CBFA2T3: variants seen among roughly 807,000 people sequenced by gnomAD.
CBFA2T3 encodes transcriptional corepressor CBFA2T3.
In CBFA2T3, 31 loss-of-function variants were observed where a neutral mutation model predicts 58.6. The observed-to-expected ratio is 0.53, with a 90% CI of 0.40 to 0.71. CBFA2T3 has a LOEUF of 0.71. Ranked by LOEUF, CBFA2T3 falls within the 30% of genes least tolerant of loss-of-function variation. The pLI, the probability that CBFA2T3 is intolerant of heterozygous loss-of-function variation, is 0.00. For synonymous variants in CBFA2T3, 531 were observed against 421.9 expected (o/e 1.26, Z -3.17); for missense variants, 1,076 against 963.1 (o/e 1.12, Z -1.55).
At chr16:88,878,641 C>A (rs1255545864) in intron 11 of CBFA2T3, among the ~76,000 whole-genome samples, 1 of 152,226 alleles carries the variant, frequency 6.6e-6, no homozygotes, top group Admixed American at 6.5e-5. Flanking sequence ...CCTGTTCTCA[C>A]AGGCTAGAGA....
At chr16:88,883,605 T>C (rs980830516) in intron 7 of CBFA2T3, 1 of 152,010 alleles carries the variant, frequency 6.6e-6, no homozygotes, top group Non-Finnish European at 1.5e-5. Context: ...TCTTCCGCCG[T>C]GGCTGTGCCC....
At chr16:88,900,646 C>A (rs896949133) in intron 2 of CBFA2T3, among the ~76,000 whole-genome samples, 6 of 152,170 alleles carry the variant, frequency 3.9e-5, no homozygotes, top group African/African-American at 1.4e-4. Flanking sequence ...CTGGCCGCTG[C>A]ATGTGGAGGT....
Position 88,881,284 on chromosome 16 carries a change from C to G in CBFA2T3, c.1402+7G>C. On this transcript the variant is annotated splice_region_variant and intron_variant, in intron 9 of 11. Transcript: ENST00000268679. The stretch of plus-strand genomic sequence containing the variant: ...GTCTGCTCCCTCCCCCCACACCCCA[C>G]ACGCACCTAGCTGAGGCCCTTCGGG... 6.3e-7 allele frequency: 1 copy of G among 1,594,742 alleles called. No homozygotes were observed. The highest frequency in any genetic ancestry group is 8.5e-7 in the Non-Finnish European group (1 of 1,172,226).
At chr16:88,964,400 C>G (rs1972444491) in intron 1 of CBFA2T3, among the ~76,000 whole-genome samples, 1 of 152,246 alleles carries the variant, frequency 6.6e-6, no homozygotes, top group African/African-American at 2.4e-5. Flanking sequence ...CCTCTTTTGA[C>G]TTTTAATTTA....
intron 1 of CBFA2T3, chr16:88,950,420 C>T (rs1451697322): frequency 1.6e-5 from 7 of 431,052 alleles, no homozygotes; most frequent in African/African-American, 2.4e-5. Context: ...GGACCGGCAC[C>T]GGCACAGAGG....
chr16:88,973,174 G>T (rs1225935414), intron 1 of CBFA2T3, among the ~76,000 whole-genome samples: 1 of 152,250 alleles, frequency 6.6e-6, no homozygotes, highest in Non-Finnish European at 1.5e-5. Context: ...GGGGCTGCCT[G>T]CAGCCTCTCC....
At chr16:88,965,652 G>T (rs548893651) in intron 1 of CBFA2T3, among the ~76,000 whole-genome samples, 1 of 152,318 alleles carries the variant, frequency 6.6e-6, no homozygotes, top group East Asian at 1.9e-4. Context: ...GGGTGCAGCT[G>T]TCACCTTATT....
intron 1 of CBFA2T3, among the ~76,000 whole-genome samples, chr16:88,976,329 C>T (rs1171892091): frequency 1.3e-5 from 2 of 152,144 alleles, no homozygotes; most frequent in Non-Finnish European, 2.9e-5. Context: ...CCCCCCATCA[C>T]TTCCCGGCTG....
At chr16:88,952,871 A>C (rs4782497) in intron 1 of CBFA2T3, among the ~76,000 whole-genome samples, 593 of 129,856 alleles carry the variant, frequency 4.6e-3, no homozygotes, top group Non-Finnish European at 5.3e-3. Flanking sequence ...CCCCACCCCC[A>C]CACCCTGGGG....
chr16:88,892,449 T>C lies in CBFA2T3; in HGVS notation c.416A>G (p.Asn139Ser), dbSNP rs753789675. Reference sequence around the variant, plus strand: ...GCCGTTGGGTGTGCACGGTGCACCATTGATGGCTGTTGGTGAGTGGCTGCT... The same window carrying C: ...GCCGTTGGGTGTGCACGGTGCACCACTGATGGCTGTTGGTGAGTGGCTGCT... ...NGSSHSPTAI[N>S]GAPCTPNGFS... is the part of the protein sequence containing the mutation. The change falls in exon 4 of 12, where the codon AAT becomes AGT. Residue 139 changes from asparagine (N) to serine (S), a missense_variant. By Grantham distance (46) the Asn-to-Ser change is conservative (BLOSUM62 1). Coordinates refer to ENST00000268679, the MANE Select transcript of CBFA2T3 (RefSeq NM_005187.6). 2.6e-5 allele frequency: 42 copies of C among 1,613,164 alleles called. No homozygotes were observed. Among genetic ancestry groups the C allele is most frequent in the Middle Eastern group, 3.3e-4 (2 of 6,082 alleles).
intron 1 of CBFA2T3, among the ~76,000 whole-genome samples, chr16:88,912,146 C>T (rs1049456333): frequency 5.2e-5 from 8 of 152,386 alleles, no homozygotes; most frequent in East Asian, 1.9e-4. Flanking sequence ...TGGGCCCACC[C>T]GCGCCTCCCC....
chr16:88,947,477 C>G (rs1971932829), intron 1 of CBFA2T3, among the ~76,000 whole-genome samples: 1 of 152,156 alleles, frequency 6.6e-6, no homozygotes, highest in South Asian at 2.1e-4. Flanking sequence ...TCGTACAAAA[C>G]TAGGTACATA....
At chr16:88,944,557 C>T (rs1348368687) in intron 1 of CBFA2T3, among the ~76,000 whole-genome samples, 1 of 152,140 alleles carries the variant, frequency 6.6e-6, no homozygotes, top group Non-Finnish European at 1.5e-5. Context: ...ACCCTGCTGC[C>T]CTCAGGAAAA....
At chr16:88,963,828 G>A (rs1170147338) in intron 1 of CBFA2T3, among the ~76,000 whole-genome samples, 1 of 152,260 alleles carries the variant, frequency 6.6e-6, no homozygotes, top group Non-Finnish European at 1.5e-5. Context: ...CTGGAATGCA[G>A]GGAGGCTCGG....
At chr16:88,937,116 T>G (rs1971529579) in intron 1 of CBFA2T3, 1 of 152,228 alleles carries the variant, frequency 6.6e-6, no homozygotes, top group Non-Finnish European at 1.5e-5. Flanking sequence ...CGGCCTGGGC[T>G]CCGCTGAAAG....
At chr16:88,923,994 T>C (rs1274133924) in intron 1 of CBFA2T3, among the ~76,000 whole-genome samples, 4 of 151,988 alleles carry the variant, frequency 2.6e-5, no homozygotes, top group Admixed American at 2.6e-4. Flanking sequence ...CCGGCAAGGG[T>C]GCACAGCGAC....
intron 1 of CBFA2T3, among the ~76,000 whole-genome samples, chr16:88,975,830 G>A (rs188066838): frequency 1.1e-4 from 17 of 152,378 alleles, no homozygotes; most frequent in East Asian, 7.7e-4. Context: ...GACACCCCTC[G>A]GTCCCGGGTT....
chr16:88,917,069 C>T (rs1247993510), intron 1 of CBFA2T3, among the ~76,000 whole-genome samples: 1 of 138,532 alleles, frequency 7.2e-6, no homozygotes, highest in Non-Finnish European at 1.5e-5. Flanking sequence ...GTGACTCTGT[C>T]TCAAAAAAAA....
chr16:88,903,312 G>T (rs1970172677), intron 1 of CBFA2T3, among the ~76,000 whole-genome samples: 1 of 152,226 alleles, frequency 6.6e-6, no homozygotes, highest in Non-Finnish European at 1.5e-5. Flanking sequence ...AACATCTCAG[G>T]GCAGTGGCGC....
Sources: gnomAD v4.1 joint callset for allele counts (sites outside exome capture counted in the v4.1 genomes callset) on GRCh38, gnomAD v4.1.1 for gene constraint, MANE v1.5 for transcripts, NCBI Gene and HGNC (gene_info 2026-07-23, HGNC 2026-07-21) for gene names.